PXDNL: variants seen among roughly 807,000 people sequenced by gnomAD.
PXDNL encodes the protein peroxidasin like.
In PXDNL, 145 loss-of-function variants were observed where a neutral mutation model predicts 150.8. The observed-to-expected ratio is 0.96, with a 90% CI of 0.84 to 1.10. The LOEUF is 1.10. PXDNL is among the 50% of genes least tolerant of loss of function. PXDNL has a pLI of 0.00. For missense variants in PXDNL, 2,087 were observed against 1,873.9 expected (o/e 1.11, Z -2.10); for synonymous variants, 757 against 725.7 (o/e 1.04, Z -0.69).
intron 1 of PXDNL, among the ~76,000 whole-genome samples, chr8:51,700,745 T>C (rs886802486): frequency 1.3e-5 from 2 of 151,236 alleles, no homozygotes; most frequent in Admixed American, 1.3e-4. Flanking sequence ...CATACACTTA[T>C]ACATACTCAT....
chr8:51,510,900 C>T (rs10504122), intron 4 of PXDNL, among the ~76,000 whole-genome samples: 1,598 of 152,134 alleles, frequency 0.011, 29 homozygotes, highest in African/African-American at 0.036. Flanking sequence ...TAAAGGGTTT[C>T]AGGCTCAGGA....
intron 17 of PXDNL, among the ~76,000 whole-genome samples, chr8:51,406,813 T>C (rs1586078961): frequency 6.6e-6 from 1 of 152,202 alleles, no homozygotes; most frequent in Non-Finnish European, 1.5e-5. Flanking sequence ...AGGCTTTCCC[T>C]GGTGGATGCT....
intron 12 of PXDNL, among the ~76,000 whole-genome samples, chr8:51,445,581 T>A (rs1341973107): frequency 1.3e-5 from 2 of 152,160 alleles, no homozygotes; most frequent in African/African-American, 4.8e-5. Flanking sequence ...GAAGCCTCCA[T>A]AGGGAAGTGA....
At chr8:51,460,153 G>A (rs1008640869) in intron 8 of PXDNL, among the ~76,000 whole-genome samples, 6 of 151,334 alleles carry the variant, frequency 4.0e-5, no homozygotes, top group Non-Finnish European at 5.9e-5. Context: ...GGAGGCTGAG[G>A]TAGGAGGATT....
chr8:51,634,723 T>G (rs2130762760), intron 2 of PXDNL, among the ~76,000 whole-genome samples: 1 of 152,004 alleles, frequency 6.6e-6, no homozygotes, highest in Non-Finnish European at 1.5e-5. Flanking sequence ...CCTACATATT[T>G]TATTTTTTTG....
chr8:51,611,279 T>C (rs1346799218), intron 2 of PXDNL, among the ~76,000 whole-genome samples: 3 of 151,918 alleles, frequency 2.0e-5, no homozygotes, highest in African/African-American at 7.3e-5. Context: ...GAAACAGAAA[T>C]AAGTATTTAG....
rs11992240 is a variant in PXDNL, at chr8:51,409,283, G to A, written c.2341C>T (p.Arg781Trp). The change falls in exon 17 of 23, where the codon CGG (arginine) becomes TGG (tryptophan). Residue 781 changes from arginine (R) to tryptophan (W), a missense_variant. Physicochemically the swap from Arg to Trp is moderately radical, Grantham distance 101. Coordinates refer to ENST00000356297, the MANE Select transcript of PXDNL (RefSeq NM_144651.5). ...CGCGCCCACACTGTGGCGACCAGCC[G>A]GGGCGGCGGGAGGGGCTGGCGGGAG... is the stretch of plus-strand genomic sequence containing the variant. ...VGSRQPLPPP[R>W]LVATVWARAA... is the part of the protein sequence containing the mutation. 2.8e-6 allele frequency: 4 copies of A among 1,425,038 alleles called. No homozygotes were observed. In the South Asian group the frequency reaches 4.5e-5, roughly 16 times the overall value. The allele number at this position is 1,425,038 out of a possible 1,614,324, so 88.3% of individuals were successfully genotyped here.
intron 1 of PXDNL, among the ~76,000 whole-genome samples, chr8:51,664,825 C>T (rs889338949): frequency 6.6e-6 from 1 of 152,116 alleles, no homozygotes; most frequent in Non-Finnish European, 1.5e-5. Context: ...ATCTCCACAC[C>T]CTGGCCTCCC....
Position 51,386,779 on chromosome 8 carries a change from T to C in PXDNL, c.3558-12048A>G, listed in dbSNP as rs149892786. On this transcript the variant is annotated intron_variant, in intron 17 of 22. Transcript: ENST00000356297. ...TTGTAGTGAGCCAAGATAGCACCAC[T>C]GCACTCCAGCCTGAGTGACAGATGA... Among the ~76,000 whole-genome samples, 1,490 of 151,088 alleles carry C rather than the reference T, an allele frequency of 9.9e-3. 19 individuals are homozygous for C. Among genetic ancestry groups the C allele is most frequent in the African/African-American group, 0.034 (1,394 of 41,066 alleles).
intron 1 of PXDNL, among the ~76,000 whole-genome samples, chr8:51,726,602 T>G (rs575445508): frequency 6.6e-6 from 1 of 152,330 alleles, no homozygotes; most frequent in South Asian, 2.1e-4. Flanking sequence ...GAACTATTCT[T>G]TAACTCACAT....
intron 8 of PXDNL, among the ~76,000 whole-genome samples, chr8:51,461,841 C>T (rs775364124): frequency 7.2e-5 from 11 of 152,142 alleles, no homozygotes; most frequent in Non-Finnish European, 1.5e-4. Context: ...TTCCTGTCTC[C>T]CCCACCCCTA....
chr8:51,401,436 C>A (rs1808245896), intron 17 of PXDNL, among the ~76,000 whole-genome samples: 1 of 152,130 alleles, frequency 6.6e-6, no homozygotes. Context: ...GAGATGAAGA[C>A]AAGACGCTGG....
intron 1 of PXDNL, among the ~76,000 whole-genome samples, chr8:51,767,401 GT>G (rs1445692630): frequency 1.3e-4 from 20 of 152,010 alleles, no homozygotes; most frequent in Admixed American, 3.3e-4. Context: ...TCTTGAGTGA[GT>G]TTTGTAAAGT....
intron 3 of PXDNL, among the ~76,000 whole-genome samples, chr8:51,574,928 A>G (rs569312692): frequency 1.8e-4 from 28 of 152,194 alleles, no homozygotes; most frequent in African/African-American, 6.3e-4. Context: ...TCTAAGAGGA[A>G]AGAAAATAAT....
At chr8:51,720,046 G>C (rs1056757039) in intron 1 of PXDNL, among the ~76,000 whole-genome samples, 1 of 152,100 alleles carries the variant, frequency 6.6e-6, no homozygotes, top group African/African-American at 2.4e-5. Flanking sequence ...GCCGGGACTA[G>C]GGTGAAGTAA....
intron 19 of PXDNL, among the ~76,000 whole-genome samples, chr8:51,360,724 C>G (rs1449677675): frequency 1.3e-5 from 2 of 152,230 alleles, no homozygotes; most frequent in African/African-American, 2.4e-5. Context: ...ACTCTTGTGT[C>G]AATCGCTAAG....
chr8:51,639,630 A>G (rs1038051559), intron 2 of PXDNL, among the ~76,000 whole-genome samples: 2 of 152,206 alleles, frequency 1.3e-5, no homozygotes, highest in Non-Finnish European at 2.9e-5. Flanking sequence ...CTTGACACAT[A>G]CACCCTCCCA....
Position 51,616,874 on chromosome 8 carries a change from TTATAA to T in PXDNL, c.237-24181_237-24177del, listed in dbSNP as rs772443675. Reference sequence around the variant, plus strand: ...GTACTTTAAATCATCTCTAGATTGCTTATAATATAATATAATGTAAATGCTATGTA... The same window carrying T: ...GTACTTTAAATCATCTCTAGATTGCTTATAATATAATGTAAATGCTATGTA... On this transcript the variant is annotated intron_variant, in intron 2 of 22. Coordinates refer to ENST00000356297, the MANE Select transcript of PXDNL (RefSeq NM_144651.5). Among the ~76,000 whole-genome samples, 167 of 152,346 alleles carry T rather than the reference TTATAA, an allele frequency of 1.1e-3. 3 individuals carry two copies. The highest frequency in any genetic ancestry group is 7.7e-4 in the East Asian group (4 of 5,194).
At chr8:51,667,271 G>C (rs1472304761) in intron 1 of PXDNL, among the ~76,000 whole-genome samples, 5 of 152,170 alleles carry the variant, frequency 3.3e-5, no homozygotes, top group African/African-American at 4.8e-5. Flanking sequence ...GTGCCGCACA[G>C]AGCATGGCCC....
Sources: gnomAD v4.1 joint callset for allele counts (sites outside exome capture counted in the v4.1 genomes callset) on GRCh38, gnomAD v4.1.1 for gene constraint, MANE v1.5 for transcripts, NCBI Gene and HGNC (gene_info 2026-07-23, HGNC 2026-07-21) for gene names.